Variants in RABGEF1 observed in about 807,000 individuals in gnomAD.
The protein encoded by RABGEF1 is rab5 GDP/GTP exchange factor.
In RABGEF1, 26 loss-of-function variants were observed where a neutral mutation model predicts 57.3. That is an observed-to-expected ratio of 0.45 (90% CI 0.33 to 0.63). The LOEUF is 0.63. Among genes scored for constraint, RABGEF1 ranks in the 20% least tolerant of loss-of-function variants. The pLI is 0.02. For synonymous variants in RABGEF1, 185 were observed against 210.7 expected (o/e 0.88, Z 1.06); for missense variants, 464 against 607.6 (o/e 0.76, Z 2.48).
chr7:66,709,811 G>C (rs1794568453), intron 1 of RABGEF1, among the ~76,000 whole-genome samples: 1 of 152,078 alleles, frequency 6.6e-6, no homozygotes. Context: ...AAATATTCCA[G>C]TTAAATCAGG....
At chr7:66,696,709 AAAAG>A (rs1792402011) in intron 1 of RABGEF1, among the ~76,000 whole-genome samples, 1 of 146,028 alleles carries the variant, frequency 6.8e-6, no homozygotes, top group South Asian at 2.3e-4. Flanking sequence ...AAAAAAAAAA[AAAAG>A]AAAAATGGAG....
chr7:66,777,059 C>T (rs777458020), intron 3 of RABGEF1, among the ~76,000 whole-genome samples: 4 of 152,192 alleles, frequency 2.6e-5, no homozygotes, highest in Non-Finnish European at 4.4e-5. Flanking sequence ...CAGTGCCTGA[C>T]ACACACAGTA....
At chr7:66,660,714 C>T in the RABGEF1 span, among the ~76,000 whole-genome samples, 1 of 152,224 alleles carries the variant, frequency 6.6e-6, no homozygotes. Context: ...AGAAATACCC[C>T]TGACTGGATG....
At chr7:66,806,524 C>G (rs1031024190) in intron 8 of RABGEF1, among the ~76,000 whole-genome samples, 2 of 151,582 alleles carry the variant, frequency 1.3e-5, no homozygotes, top group African/African-American at 2.4e-5. Context: ...CAGAATGATG[C>G]TTTTACCTTT....
intron 1 of RABGEF1, among the ~76,000 whole-genome samples, chr7:66,764,119 A>G (rs1332709668): frequency 6.6e-6 from 1 of 152,188 alleles, no homozygotes; most frequent in Non-Finnish European, 1.5e-5. Context: ...GTTTCCCCAC[A>G]TTCTTGGCAA....
intron 8 of RABGEF1, 116 bp downstream of exon 8, chr7:66,805,512 T>C (rs543088695): frequency 4.6e-5 from 67 of 1,460,614 alleles, no homozygotes; most frequent in African/African-American, 2.6e-4. Context: ...GAAGGCAGCA[T>C]GGCTGAGGAA....
chr7:66,758,185 A>G, intron 1 of RABGEF1, among the ~76,000 whole-genome samples: 1 of 152,164 alleles, frequency 6.6e-6, no homozygotes, highest in East Asian at 1.9e-4. Flanking sequence ...GATAGAGGGA[A>G]ACTACTCACA....
At chr7:66,773,063 A>G (rs1807574856) in intron 2 of RABGEF1, among the ~76,000 whole-genome samples, 1 of 150,182 alleles carries the variant, frequency 6.7e-6, no homozygotes, top group Non-Finnish European at 1.5e-5. Flanking sequence ...AATTCTGCCA[A>G]CTCCTCTAGC....
chr7:66,760,962 T>C (rs538215904), intron 1 of RABGEF1, among the ~76,000 whole-genome samples: 56 of 152,310 alleles, frequency 3.7e-4, no homozygotes, highest in South Asian at 3.1e-3. Context: ...ATTAAGCGTT[T>C]AGTACGTATC....
intron 8 of RABGEF1, among the ~76,000 whole-genome samples, chr7:66,807,240 G>A (rs1222438470): frequency 6.6e-6 from 1 of 152,164 alleles, no homozygotes; most frequent in Non-Finnish European, 1.5e-5. Flanking sequence ...CTGACTCAGA[G>A]TCTGTCTCCT....
intron 2 of RABGEF1, among the ~76,000 whole-genome samples, chr7:66,726,196 CTA>C (rs1222693255): frequency 6.6e-6 from 1 of 152,160 alleles, no homozygotes; most frequent in East Asian, 1.9e-4. Context: ...CATCAAATGA[CTA>C]TGAGAGTGCC....
At chr7:66,730,700 G>C (rs1174094755) in intron 2 of RABGEF1, among the ~76,000 whole-genome samples, 1 of 151,982 alleles carries the variant, frequency 6.6e-6, no homozygotes, top group Non-Finnish European at 1.5e-5. Flanking sequence ...TGGGATTACA[G>C]GCATCCGCCA....
At chr7:66,660,347 CA>C in the RABGEF1 span, among the ~76,000 whole-genome samples, 1,269 of 82,510 alleles carry the variant, frequency 0.015, 14 homozygotes, top group African/African-American at 0.045. Flanking sequence ...GACTCCATCT[CA>C]AAAAAAAAAA....
intron 4 of RABGEF1, among the ~76,000 whole-genome samples, chr7:66,787,638 C>A (rs1203927193): frequency 4.6e-5 from 7 of 152,172 alleles, no homozygotes; most frequent in African/African-American, 1.7e-4. Context: ...AGCCACAATA[C>A]CTGGCCTAAC....
At chr7:66,733,566 C>T (rs752874008) in intron 2 of RABGEF1, among the ~76,000 whole-genome samples, 2 of 152,172 alleles carry the variant, frequency 1.3e-5, no homozygotes, top group Middle Eastern at 6.8e-3. Flanking sequence ...GGCATTGCAG[C>T]GCATTCCTGT....
chr7:66,793,161 T>C (rs997214763), intron 4 of RABGEF1, among the ~76,000 whole-genome samples: 1 of 152,092 alleles, frequency 6.6e-6, no homozygotes, highest in African/African-American at 2.4e-5. Context: ...GCACTACAGG[T>C]TGAGTATCCC....
rs1436475185 is a variant in RABGEF1 at position 66,811,428 on chromosome 7, A to G, written c.*2144A>G. On this transcript the variant is annotated 3_prime_UTR_variant, in exon 9 of 9. Transcript: ENST00000284957. ...ATACACCTTTGGAACGGAATTCTTT[A>G]TCAATAAAGTTTCACAATCCGTCCC... 1 of 152,484 alleles carries G rather than the reference A, an allele frequency of 6.6e-6. No individual in the cohort carries two copies. Among genetic ancestry groups the G allele is most frequent in the Non-Finnish European group, 1.5e-5 (1 of 68,032 alleles). The allele number at this position is 152,484 out of a possible 1,614,324, so 9.4% of individuals were successfully genotyped here. A position where few individuals can be genotyped will look rare whatever the true frequency, so the allele number is the denominator to read the frequency against.
chr7:66,790,803 C>T (rs1023065001), intron 4 of RABGEF1, among the ~76,000 whole-genome samples: 1 of 152,090 alleles, frequency 6.6e-6, no homozygotes, highest in Non-Finnish European at 1.5e-5. Flanking sequence ...TTTTTAGTAC[C>T]GCATGTTTAA....
intron 1 of RABGEF1, among the ~76,000 whole-genome samples, chr7:66,683,235 C>T (rs944457957): frequency 1.1e-4 from 16 of 152,138 alleles, no homozygotes; most frequent in African/African-American, 3.9e-4. Flanking sequence ...GCCTCGGCCT[C>T]CCAGAGTGCT....
Sources: gnomAD v4.1 joint callset for allele counts (sites outside exome capture counted in the v4.1 genomes callset) on GRCh38, gnomAD v4.1.1 for gene constraint, MANE v1.5 for transcripts, NCBI Gene and HGNC (gene_info 2026-07-23, HGNC 2026-07-21) for gene names.